Variants in RABGAP1L observed in about 807,000 individuals in gnomAD.
The protein encoded by RABGAP1L is RAB GTPase activating protein 1 like, also known as rab GTPase-activating protein 1-like.
In RABGAP1L, 63 loss-of-function variants were observed where a neutral mutation model predicts 137.7. That is an observed-to-expected ratio of 0.46 (90% CI 0.37 to 0.56). The LOEUF (loss-of-function observed/expected upper bound fraction) is 0.56, where lower values mean the gene tolerates loss of function less well. Among genes scored for constraint, RABGAP1L ranks in the 20% least tolerant of loss-of-function variants. The pLI is 0.00. For missense variants in RABGAP1L, 1,095 were observed against 1,244.0 expected (o/e 0.88, Z 1.80); for synonymous variants, 431 against 433.7 (o/e 0.99, Z 0.08).
At chr1:174,942,101 G>C (rs529367091) in intron 19 of RABGAP1L, among the ~76,000 whole-genome samples, 24 of 152,208 alleles carry the variant, frequency 1.6e-4, no homozygotes, top group Non-Finnish European at 3.5e-4. Context: ...TTAATTCACT[G>C]TTCATAGTTC....
intron 13 of RABGAP1L, among the ~76,000 whole-genome samples, chr1:174,540,065 G>A (rs1665245823): frequency 6.6e-6 from 1 of 152,138 alleles, no homozygotes; most frequent in South Asian, 2.1e-4. Flanking sequence ...ATTTTTTCAT[G>A]TGTCTTTTGG....
At chr1:174,438,708 ACT>A (rs1302527572) in intron 13 of RABGAP1L, among the ~76,000 whole-genome samples, 7 of 142,958 alleles carry the variant, frequency 4.9e-5, no homozygotes, top group Non-Finnish European at 1.1e-4. Flanking sequence ...ACACAGCAAG[ACT>A]CTGTCAAAAA....
At chr1:174,197,802 A>C (rs1444899731) in intron 1 of RABGAP1L, among the ~76,000 whole-genome samples, 1 of 152,078 alleles carries the variant, frequency 6.6e-6, no homozygotes, top group Non-Finnish European at 1.5e-5. Context: ...CTCCGTCTAA[A>C]AAAAAAAAAT....
At chr1:174,547,814 A>G (rs1338558199) in intron 13 of RABGAP1L, 6 of 1,484,598 alleles carry the variant, frequency 4.0e-6, no homozygotes, top group African/African-American at 2.8e-5. Flanking sequence ...TTTGAAAATA[A>G]TCATATTTAT....
At chr1:174,809,402 A>G (rs541967140) in intron 18 of RABGAP1L, among the ~76,000 whole-genome samples, 122 of 152,162 alleles carry the variant, frequency 8.0e-4, no homozygotes, top group Non-Finnish European at 2.1e-4. Flanking sequence ...CTCTGCCTAC[A>G]TGGCCATCCC....
In RABGAP1L at chr1:174,905,442, A is replaced by G; in HGVS notation, c.2341-52015A>G. Among the ~76,000 whole-genome samples, 6 of 152,326 alleles carry G rather than the reference A, an allele frequency of 3.9e-5. No homozygotes were observed. The Middle Eastern group carries it at 0.02, about 518-fold the overall frequency. ...TGAAATAACAAAAAATTAAATGGAAATTTTAGAACTAAAGAATACCTTTCC... is the reference window on the plus strand; with the variant it reads ...TGAAATAACAAAAAATTAAATGGAAGTTTTAGAACTAAAGAATACCTTTCC... On this transcript the variant is annotated intron_variant, in intron 19 of 25. Transcript: ENST00000681986.
At chr1:174,867,665 A>T (rs1651510263) in intron 19 of RABGAP1L, among the ~76,000 whole-genome samples, 1 of 152,146 alleles carries the variant, frequency 6.6e-6, no homozygotes, top group South Asian at 2.1e-4. Context: ...TATTTATCTG[A>T]GACAGAGTCT....
intron 7 of RABGAP1L, 143 bp downstream of exon 7, chr1:174,252,733 A>G: frequency 7.8e-7 from 1 of 1,287,340 alleles, no homozygotes. Context: ...TCTCTACTTT[A>G]ACTTAGATGT....
At chr1:174,830,185 C>G (rs1043363367) in intron 19 of RABGAP1L, among the ~76,000 whole-genome samples, 10 of 147,494 alleles carry the variant, frequency 6.8e-5, no homozygotes, top group African/African-American at 2.0e-4. Flanking sequence ...TTCAAACATA[C>G]CACAAGGGAA....
intron 13 of RABGAP1L, among the ~76,000 whole-genome samples, chr1:174,531,171 A>G (rs1417863862): frequency 6.6e-6 from 1 of 152,192 alleles, no homozygotes; most frequent in Non-Finnish European, 1.5e-5. Context: ...TGGTCATAAT[A>G]GTGGCTACCT....
At chr1:174,883,948 C>G (rs1028423638) in intron 19 of RABGAP1L, among the ~76,000 whole-genome samples, 1 of 152,094 alleles carries the variant, frequency 6.6e-6, no homozygotes, top group African/African-American at 2.4e-5. Flanking sequence ...GTGGAGATTG[C>G]TATAGTGTCA....
intron 13 of RABGAP1L, among the ~76,000 whole-genome samples, chr1:174,419,086 C>T (rs1650951699): frequency 2.0e-5 from 3 of 152,090 alleles, no homozygotes; most frequent in Admixed American, 2.0e-4. Context: ...CAATTCCATA[C>T]CTCTCTTCAT....
chr1:174,678,326 C>T (rs1035339900), intron 14 of RABGAP1L, among the ~76,000 whole-genome samples: 3 of 152,110 alleles, frequency 2.0e-5, no homozygotes, highest in African/African-American at 7.2e-5. Context: ...AAAACTCTTT[C>T]AGAAGCAGAG....
intron 2 of RABGAP1L, chr1:174,220,762 T>A (rs1464384473): frequency 2.7e-6 from 1 of 369,936 alleles, no homozygotes; most frequent in Non-Finnish European, 4.7e-6. Flanking sequence ...TTATAAAGAA[T>A]CCTTTTGTGA....
intron 19 of RABGAP1L, among the ~76,000 whole-genome samples, chr1:174,854,539 GGAT>G (rs1648919569): frequency 6.6e-6 from 1 of 151,698 alleles, no homozygotes; most frequent in Non-Finnish European, 1.5e-5. Context: ...CCATCTCACT[GGAT>G]GATTATTATT....
At chr1:174,609,632 A>G (rs993188178) in intron 13 of RABGAP1L, among the ~76,000 whole-genome samples, 1 of 152,150 alleles carries the variant, frequency 6.6e-6, no homozygotes, top group Non-Finnish European at 1.5e-5. Flanking sequence ...CCTTCATGTC[A>G]ATCTACTACT....
At chr1:174,242,397 G>A (rs1486713747) in intron 5 of RABGAP1L, among the ~76,000 whole-genome samples, 1 of 152,194 alleles carries the variant, frequency 6.6e-6, no homozygotes, top group Non-Finnish European at 1.5e-5. Context: ...CCATTTCAAA[G>A]GCATTCATAA....
intron 13 of RABGAP1L, among the ~76,000 whole-genome samples, chr1:174,601,843 G>A (rs1312042432): frequency 1.3e-5 from 2 of 152,028 alleles, no homozygotes; most frequent in African/African-American, 4.8e-5. Context: ...CAAGTTCAAA[G>A]TTCCACAAAT....
At chr1:174,269,670 C>T (rs946978885) in intron 7 of RABGAP1L, among the ~76,000 whole-genome samples, 1 of 152,116 alleles carries the variant, frequency 6.6e-6, no homozygotes, top group African/African-American at 2.4e-5. Flanking sequence ...AGGTTGATTT[C>T]AATTTTTCAG....
Sources: gnomAD v4.1 joint callset for allele counts (sites outside exome capture counted in the v4.1 genomes callset) on GRCh38, gnomAD v4.1.1 for gene constraint, MANE v1.5 for transcripts, NCBI Gene and HGNC (gene_info 2026-07-23, HGNC 2026-07-21) for gene names.